Variants in CCSER1 observed in about 807,000 individuals in gnomAD.
The protein encoded by CCSER1 is serine-rich coiled-coil domain-containing protein 1.
In CCSER1, 41 loss-of-function variants were observed where a neutral mutation model predicts 82.0. The observed-to-expected ratio is 0.50, with a 90% CI of 0.39 to 0.65. The LOEUF is 0.65. Among genes scored for constraint, CCSER1 ranks in the 30% least tolerant of loss-of-function variants. The probability of loss-of-function intolerance (pLI) is 0.00; values close to 1 mark genes in which losing one functional copy is unlikely to be tolerated. For synonymous variants in CCSER1, 414 were observed against 383.9 expected (o/e 1.08, Z -0.92); for missense variants, 1,119 against 1,064.2 (o/e 1.05, Z -0.72).
intron 10 of CCSER1, among the ~76,000 whole-genome samples, chr4:91,545,336 G>A (rs192858241): frequency 1.1e-3 from 168 of 152,014 alleles, no homozygotes; most frequent in African/African-American, 3.4e-3. Context: ...CCCACTGTCC[G>A]ACAAGCCCCA....
intron 10 of CCSER1, among the ~76,000 whole-genome samples, chr4:91,433,669 A>G (rs1243807486): frequency 6.6e-6 from 1 of 152,212 alleles, no homozygotes. Context: ...CCTAGAAGCA[A>G]TGGGCTGTAC....
intron 9 of CCSER1, among the ~76,000 whole-genome samples, chr4:90,966,225 G>A (rs1734547656): frequency 1.3e-5 from 2 of 151,968 alleles, no homozygotes; most frequent in Non-Finnish European, 1.5e-5. Context: ...TTTCTTAAAT[G>A]TTATGAAAAA....
In CCSER1 at chr4:90,313,042, A is replaced by C. The variant is rs1237485465; in HGVS notation, c.1504A>C (p.Ser502Arg). The stretch of plus-strand genomic sequence containing the variant: ...AGGTTCTTCATCTTCAAAAATGAAC[A>C]GTTTGGTAAGTATATACATATGTCT... ...RAGSSSSKMN[S>R]LDVLNNLGSC... Residue 502 changes from serine to arginine, a missense_variant, in exon 3 of 11, where the codon AGT (serine) becomes CGT (arginine). Transcript: ENST00000509176. 1 of 1,594,126 alleles carries C rather than the reference A, an allele frequency of 6.3e-7. No individual in the cohort carries two copies. The highest frequency in any genetic ancestry group is 8.6e-7 in the Non-Finnish European group (1 of 1,168,004).
chr4:90,991,464 G>T (rs542907519), intron 9 of CCSER1, among the ~76,000 whole-genome samples: 1 of 151,924 alleles, frequency 6.6e-6, no homozygotes, highest in Non-Finnish European at 1.5e-5. Context: ...ATCCACTTCT[G>T]GTACTTCCAC....
At chr4:90,571,195 G>T (rs1780078442) in intron 5 of CCSER1, among the ~76,000 whole-genome samples, 1 of 152,142 alleles carries the variant, frequency 6.6e-6, no homozygotes, top group African/African-American at 2.4e-5. Context: ...ACTAAAAATA[G>T]AACAACCATT....
At chr4:91,223,826 G>A (rs940899203) in intron 10 of CCSER1, among the ~76,000 whole-genome samples, 5 of 152,072 alleles carry the variant, frequency 3.3e-5, no homozygotes, top group South Asian at 2.1e-4. Flanking sequence ...CACCAATCAC[G>A]TCTGCATCTG....
In CCSER1 at chr4:90,600,878, G is replaced by A. The variant is rs561825315; in HGVS notation, c.1725-27147G>A. 3.7e-4 allele frequency among the ~76,000 whole-genome samples: 56 copies of A among 151,620 alleles called. 1 individual carries two copies. In the South Asian group the frequency reaches 8.1e-3, roughly 22 times the overall value. On this transcript the variant is annotated intron_variant, in intron 5 of 10. Coordinates refer to ENST00000509176, the MANE Select transcript of CCSER1 (RefSeq NM_001145065.2). ...TATATCTGTTTAGGTCTTTATATAA[G>A]CAATATTTTTTAGTTTTCTTTCATA... is the stretch of plus-strand genomic sequence containing the variant.
At chr4:90,191,227 G>T (rs944971589) in intron 1 of CCSER1, among the ~76,000 whole-genome samples, 1 of 151,982 alleles carries the variant, frequency 6.6e-6, no homozygotes, top group East Asian at 1.9e-4. Context: ...TTTAGCAGAA[G>T]AATTGATGAG....
intron 10 of CCSER1, among the ~76,000 whole-genome samples, chr4:91,237,584 T>G (rs750891117): frequency 9.2e-5 from 14 of 152,188 alleles, no homozygotes; most frequent in Admixed American, 2.0e-4. Flanking sequence ...TCTACTTTAT[T>G]TCACTTAACT....
In CCSER1 at chr4:90,468,220, GT is replaced by G. The variant is rs758901739; in HGVS notation, c.1604-7del. ...TAATTTTGACATTTACAATTCCTCGGTTTTTTTGAACAGTTTGCCGGGAGGA... is the reference window on the plus strand; with the variant it reads ...TAATTTTGACATTTACAATTCCTCGGTTTTTTGAACAGTTTGCCGGGAGGA... On this transcript the variant is annotated splice_polypyrimidine_tract_variant and intron_variant, in intron 4 of 10. Coordinates refer to ENST00000509176, the MANE Select transcript of CCSER1 (RefSeq NM_001145065.2). The G allele has an allele frequency of 2.5e-6, 4 of 1,579,170 alleles. No homozygotes were observed. The Admixed American group carries it at 5.2e-5, about 21-fold the overall frequency.
intron 10 of CCSER1, among the ~76,000 whole-genome samples, chr4:91,293,042 A>G (rs1290093954): frequency 2.0e-5 from 3 of 152,026 alleles, no homozygotes; most frequent in African/African-American, 7.2e-5. Context: ...CATCTTTCAC[A>G]TGAACTTGTT....
intron 7 of CCSER1, among the ~76,000 whole-genome samples, chr4:90,810,919 G>A (rs563723328): frequency 1.9e-4 from 27 of 142,984 alleles, no homozygotes; most frequent in South Asian, 6.9e-4. Context: ...TACAAGGCCC[G>A]CCTCCCGGGT....
chr4:90,415,148 A>G (rs1755610229), intron 4 of CCSER1, among the ~76,000 whole-genome samples: 1 of 152,230 alleles, frequency 6.6e-6, no homozygotes, highest in Admixed American at 6.6e-5. Context: ...ATCATCAATC[A>G]TTCAATCAGT....
intron 10 of CCSER1, among the ~76,000 whole-genome samples, chr4:91,243,340 A>G (rs1318462907): frequency 6.6e-6 from 1 of 152,202 alleles, no homozygotes; most frequent in Non-Finnish European, 1.5e-5. Context: ...CTAGCACGCA[A>G]GAACTGCAAT....
intron 10 of CCSER1, among the ~76,000 whole-genome samples, chr4:91,559,004 A>C (rs1428061813): frequency 1.3e-5 from 2 of 151,652 alleles, no homozygotes; most frequent in Non-Finnish European, 3.0e-5. Context: ...TTCATGGTTC[A>C]TTCTAGGAGC....
At chr4:91,482,593 G>C (rs1228587515) in intron 10 of CCSER1, among the ~76,000 whole-genome samples, 1 of 151,614 alleles carries the variant, frequency 6.6e-6, no homozygotes, top group Non-Finnish European at 1.5e-5. Flanking sequence ...CCCATTACTG[G>C]GTATATACCC....
chr4:90,377,026 C>A (rs1748444879), intron 3 of CCSER1, among the ~76,000 whole-genome samples: 1 of 152,146 alleles, frequency 6.6e-6, no homozygotes, highest in African/African-American at 2.4e-5. Context: ...CAAGTATCAT[C>A]TAGTTCTTCG....
At chr4:90,579,707 C>G (rs749217307) in intron 5 of CCSER1, among the ~76,000 whole-genome samples, 11 of 152,150 alleles carry the variant, frequency 7.2e-5, no homozygotes, top group Non-Finnish European at 1.5e-4. Context: ...AAATTACAGT[C>G]AAATCATTTT....
intron 9 of CCSER1, among the ~76,000 whole-genome samples, chr4:91,023,568 G>A (rs976678123): frequency 2.9e-4 from 44 of 152,082 alleles, no homozygotes; most frequent in Non-Finnish European, 4.1e-4. Context: ...AGGATTCCCT[G>A]TTTAATAAAT....
Sources: allele counts gnomAD v4.1 joint callset (sites outside exome capture counted in the v4.1 genomes callset), GRCh38; gene constraint gnomAD v4.1.1; transcripts MANE v1.5; gene names NCBI Gene and HGNC (gene_info 2026-07-23, HGNC 2026-07-21).